C5orf24: variants seen among roughly 807,000 people sequenced by gnomAD.
The protein encoded by C5orf24 is UPF0461 protein C5orf24.
A neutral mutation model predicts 9.8 loss-of-function variants in C5orf24; 4 were observed. That is an observed-to-expected ratio of 0.41 (90% CI 0.20 to 0.93). The LOEUF (loss-of-function observed/expected upper bound fraction) is 0.93, where lower values mean the gene tolerates loss of function less well. Ranked by LOEUF, C5orf24 falls within the 40% of genes least tolerant of loss-of-function variation. C5orf24 has a pLI of 0.33. For synonymous variants in C5orf24, 73 were observed against 81.3 expected (o/e 0.90, Z 0.55); for missense variants, 170 against 236.9 (o/e 0.72, Z 1.85).
chr5:134,841,864 A>G (rs559553577), upstream of C5orf24, among the ~76,000 whole-genome samples: 2 of 152,278 alleles, frequency 1.3e-5, no homozygotes, highest in Middle Eastern at 3.4e-3. Context: ...TATTTATAAT[A>G]TATCCAAAAA....
At position 134,857,573 on chromosome 5, in the gene C5orf24, G is replaced by C. The variant is rs1429308746; in HGVS notation, c.*2106G>C. The C allele has an allele frequency of 1.3e-6, 1 of 778,706 alleles. No individual in the cohort carries two copies. Among genetic ancestry groups the C allele is most frequent in the Non-Finnish European group, 1.8e-6 (1 of 551,200 alleles). 48.2% of individuals were successfully genotyped at this position (778,706 alleles called of 1,614,324 possible). The stretch of plus-strand genomic sequence containing the variant: ...GTTATAACATTCTGGCAGCTAAATT[G>C]CTACAAGAGCTTTTTCTTGCAAAAG... On this transcript the variant is annotated 3_prime_UTR_variant, in exon 2 of 2. Coordinates refer to ENST00000394976, the MANE Select transcript of C5orf24 (RefSeq NM_001135586.1).
chr5:134,847,778 G>A (rs1440330753), intron 1 of C5orf24, among the ~76,000 whole-genome samples: 1 of 149,608 alleles, frequency 6.7e-6, no homozygotes, highest in Non-Finnish European at 1.5e-5. Flanking sequence ...TCGGCTCACT[G>A]CAACCTCCGC....
the C5orf24 span, among the ~76,000 whole-genome samples, chr5:134,836,333 G>A: frequency 6.6e-6 from 1 of 151,950 alleles, no homozygotes; most frequent in South Asian, 2.1e-4. Flanking sequence ...CACCACACCT[G>A]GCTAAATTTT....
the C5orf24 span, among the ~76,000 whole-genome samples, chr5:134,837,989 G>A: frequency 2.0e-5 from 3 of 152,156 alleles, no homozygotes; most frequent in Admixed American, 2.0e-4. Context: ...GCTCACACCT[G>A]TAATCCTAGC....
chr5:134,846,700 A>G (rs1162454049), intron 1 of C5orf24: 1 of 152,224 alleles, frequency 6.6e-6, no homozygotes, highest in African/African-American at 2.4e-5. Flanking sequence ...CCTCGTGTCA[A>G]AATAAGGAGA....
At chr5:134,840,787 C>T (rs1371574674), upstream of C5orf24, among the ~76,000 whole-genome samples, 10 of 151,990 alleles carry the variant, frequency 6.6e-5, no homozygotes, top group Non-Finnish European at 8.8e-5. Flanking sequence ...CCTCCTGTTT[C>T]GGCCTCCCAA....
the C5orf24 span, among the ~76,000 whole-genome samples, chr5:134,834,153 T>C: frequency 6.6e-6 from 1 of 152,226 alleles, no homozygotes; most frequent in East Asian, 1.9e-4. Flanking sequence ...GTTTTGAATA[T>C]TAGTCTCTCT....
chr5:134,833,960 TA>T, the C5orf24 span, among the ~76,000 whole-genome samples: 3 of 150,086 alleles, frequency 2.0e-5, no homozygotes, highest in South Asian at 6.4e-4. Context: ...GAAGAAATTC[TA>T]ACTTTGCATT....
intron 1 of C5orf24, among the ~76,000 whole-genome samples, chr5:134,850,824 T>C (rs528469472): frequency 5.9e-5 from 9 of 151,696 alleles, no homozygotes; most frequent in East Asian, 3.9e-4. Context: ...TGGATTGATA[T>C]CTGAGTCAAG....
In C5orf24 at chr5:134,855,583, C is replaced by CTTT. The variant is rs771021415; in HGVS notation, c.*117_*118insTTT. The CTTT allele has an allele frequency of 1.4e-6, 2 of 1,466,482 alleles. No homozygotes were observed. Among genetic ancestry groups the CTTT allele is most frequent in the Non-Finnish European group, 1.8e-6 (2 of 1,100,370 alleles). The allele number at this position is 1,466,482 out of a possible 1,614,324, so 90.8% of individuals were successfully genotyped here. A position where few individuals can be genotyped will look rare whatever the true frequency, so the allele number is the denominator to read the frequency against. ...GCCTGGGCTTTCCAAATTTGTTTTCCTGTTTGGTTTTTTTCCTGCTTTTGC... is the reference window on the plus strand; with the variant it reads ...GCCTGGGCTTTCCAAATTTGTTTTCCTTTTGTTTGGTTTTTTTCCTGCTTTTGC... On this transcript the variant is annotated 3_prime_UTR_variant, in exon 2 of 2. Coordinates refer to ENST00000394976, the MANE Select transcript of C5orf24 (RefSeq NM_001135586.1).
chr5:134,850,842 G>T (rs1326520206), intron 1 of C5orf24, among the ~76,000 whole-genome samples: 2 of 150,904 alleles, frequency 1.3e-5, no homozygotes, highest in African/African-American at 2.4e-5. Context: ...AAGGATAGTG[G>T]CATTTTGCCT....
chr5:134,853,848 C>T (rs937867054), intron 1 of C5orf24, among the ~76,000 whole-genome samples: 2 of 152,020 alleles, frequency 1.3e-5, no homozygotes, highest in African/African-American at 2.4e-5. Context: ...TGTGGAAGGC[C>T]GAGGCGGGCA....
In C5orf24 at chr5:134,859,176, C is replaced by T. The variant is rs903895148; in HGVS notation, c.*3709C>T. On this transcript the variant is annotated 3_prime_UTR_variant, in exon 2 of 2. Transcript: ENST00000394976. Reference sequence around the variant, plus strand: ...ATTCAGGGGTTATTGATAACTGCTACTCTGTCGGTCATTGTCTCTATATGC... The same window carrying T: ...ATTCAGGGGTTATTGATAACTGCTATTCTGTCGGTCATTGTCTCTATATGC... 3 of 166,900 alleles carry T rather than the reference C, an allele frequency of 1.8e-5. No individual in the cohort carries two copies. The highest frequency in any genetic ancestry group is 7.2e-5 in the African/African-American group (3 of 41,414). The allele number at this position is 166,900 out of a possible 1,614,324, so 10.3% of individuals were successfully genotyped here.
In C5orf24 at chr5:134,856,174, A is replaced by G; in HGVS notation, c.*707A>G. 2.0e-6 allele frequency: 2 copies of G among 996,876 alleles called. No individual in the cohort carries two copies. Among genetic ancestry groups the G allele is most frequent in the Non-Finnish European group, 2.4e-6 (2 of 826,892 alleles). 61.8% of individuals were successfully genotyped at this position (996,876 alleles called of 1,614,324 possible). A position where few individuals can be genotyped will look rare whatever the true frequency, so the allele number is the denominator to read the frequency against. On this transcript the variant is annotated 3_prime_UTR_variant, in exon 2 of 2. Coordinates refer to ENST00000394976, the MANE Select transcript of C5orf24 (RefSeq NM_001135586.1). Reference sequence around the variant, plus strand: ...ATATACCAAACACTACAAACAATTCATATTTACAGAAAATTTAAACTATTT... The same window carrying G: ...ATATACCAAACACTACAAACAATTCGTATTTACAGAAAATTTAAACTATTT...
rs1306644195 is a variant in C5orf24, at chr5:134,857,041, T to A, written c.*1574T>A. The A allele has an allele frequency of 1.4e-5, 15 of 1,073,478 alleles. No homozygotes were observed. Among genetic ancestry groups the A allele is most frequent in the Non-Finnish European group, 1.5e-5 (13 of 875,700 alleles). 66.5% of individuals were successfully genotyped at this position (1,073,478 alleles called of 1,614,324 possible). A position where few individuals can be genotyped will look rare whatever the true frequency, so the allele number is the denominator to read the frequency against. ...GGAAAAAAAGTATTAGGTAGATATG[T>A]ATAGTAGGGACAGAGGGAAATCTTT... On this transcript the variant is annotated 3_prime_UTR_variant, in exon 2 of 2. Transcript: ENST00000394976.
intron 1 of C5orf24, among the ~76,000 whole-genome samples, chr5:134,848,882 G>C (rs959112030): frequency 6.6e-6 from 1 of 150,846 alleles, no homozygotes; most frequent in African/African-American, 2.4e-5. Context: ...GCTTGAACCC[G>C]GGAGGCAGAG....
Position 134,855,364 on chromosome 5 carries a change from G to T in C5orf24, c.464G>T (p.Gly155Val). The part of the protein sequence containing the change: ...IKALSRLADL[G>V]YGCGTAAFPY... ...GCTCTATCCCGTCTTGCCGATCTTG[G>T]TTATGGCTGTGGCACTGCTGCTTTT... The change falls in exon 2 of 2, where the codon GGT becomes GTT. Residue 155 changes from glycine (G) to valine (V), a missense_variant. By Grantham distance (109) the Gly-to-Val change is moderately radical (BLOSUM62 -3). Transcript: ENST00000394976. The T allele has an allele frequency of 6.2e-7, 1 of 1,614,132 alleles. No homozygotes were observed. Among genetic ancestry groups the T allele is most frequent in the Non-Finnish European group, 8.5e-7 (1 of 1,180,006 alleles).
At chr5:134,853,026 G>A (rs1413171741) in intron 1 of C5orf24, among the ~76,000 whole-genome samples, 4 of 152,112 alleles carry the variant, frequency 2.6e-5, no homozygotes, top group Admixed American at 1.3e-4. Context: ...TTCGCCGGGC[G>A]TGGTGGCGGG....
At chr5:134,842,613 A>G, upstream of C5orf24, among the ~76,000 whole-genome samples, 1 of 152,116 alleles carries the variant, frequency 6.6e-6, no homozygotes, top group East Asian at 1.9e-4. Flanking sequence ...GTGGTTCACC[A>G]AATGGCTGGT....
Sources: allele counts gnomAD v4.1 joint callset (sites outside exome capture counted in the v4.1 genomes callset), GRCh38; gene constraint gnomAD v4.1.1; transcripts MANE v1.5; gene names NCBI Gene and HGNC (gene_info 2026-07-23, HGNC 2026-07-21).